KCNQ5: variants seen among roughly 807,000 people sequenced by gnomAD.
The protein encoded by KCNQ5 is potassium voltage-gated channel subfamily KQT member 5.
KCNQ5 carries 30 observed loss-of-function variants against 98.2 expected under a neutral mutation model. That is an observed-to-expected ratio of 0.31 (90% CI 0.23 to 0.41). The LOEUF (loss-of-function observed/expected upper bound fraction) is 0.41, where lower values mean the gene tolerates loss of function less well. Ranked by LOEUF, KCNQ5 falls within the 10% of genes least tolerant of loss-of-function variation. The pLI is 1.00. For synonymous variants in KCNQ5, 458 were observed against 449.4 expected, an observed-to-expected ratio of 1.02 and a Z score of -0.24; for missense variants, 835 against 1,182.5, an observed-to-expected ratio of 0.71 and a Z score of 4.31.
At chr6:73,186,223 T>C (rs957429607) in intron 11 of KCNQ5, among the ~76,000 whole-genome samples, 1 of 150,962 alleles carries the variant, frequency 6.6e-6, no homozygotes, top group East Asian at 2.0e-4. Context: ...TGAGACCTTG[T>C]CTCAAAAAAA....
At chr6:72,805,149 T>G (rs1774884775) in intron 1 of KCNQ5, among the ~76,000 whole-genome samples, 1 of 152,182 alleles carries the variant, frequency 6.6e-6, no homozygotes, top group Non-Finnish European at 1.5e-5. Flanking sequence ...TCCCTTGCTG[T>G]GCAGAAGCTT....
At chr6:72,814,158 G>A (rs1333338052) in intron 1 of KCNQ5, among the ~76,000 whole-genome samples, 2 of 152,198 alleles carry the variant, frequency 1.3e-5, no homozygotes, top group African/African-American at 2.4e-5. Flanking sequence ...AGAAGGAAAG[G>A]GAAGGGTGGG....
intron 5 of KCNQ5, among the ~76,000 whole-genome samples, chr6:73,085,330 G>A (rs1054957575): frequency 5.3e-5 from 8 of 152,052 alleles, no homozygotes; most frequent in Non-Finnish European, 1.2e-4. Context: ...ATGCATGCAC[G>A]CTCCAGGCAA....
At chr6:73,017,011 T>C (rs1770375504) in intron 2 of KCNQ5, among the ~76,000 whole-genome samples, 1 of 152,130 alleles carries the variant, frequency 6.6e-6, no homozygotes, top group Non-Finnish European at 1.5e-5. Flanking sequence ...GATTTTCATA[T>C]ATTTCCCTGG....
intron 1 of KCNQ5, among the ~76,000 whole-genome samples, chr6:72,911,202 C>A (rs559416098): frequency 1.8e-4 from 27 of 152,266 alleles, no homozygotes; most frequent in Admixed American, 1.6e-3. Flanking sequence ...GTTTATGACA[C>A]CCAACCCCAA....
At chr6:72,869,956 G>T (rs1306812448) in intron 1 of KCNQ5, among the ~76,000 whole-genome samples, 1 of 152,160 alleles carries the variant, frequency 6.6e-6, no homozygotes, top group Non-Finnish European at 1.5e-5. Flanking sequence ...GCTCTTTAAG[G>T]CATATCAAAA....
At chr6:72,798,193 G>C (rs1774441147) in intron 1 of KCNQ5, among the ~76,000 whole-genome samples, 1 of 152,158 alleles carries the variant, frequency 6.6e-6, no homozygotes, top group South Asian at 2.1e-4. Flanking sequence ...GTGCTTGAAA[G>C]TTCATGAGTA....
chr6:73,070,533 G>A (rs1773255288), intron 3 of KCNQ5, among the ~76,000 whole-genome samples: 2 of 152,132 alleles, frequency 1.3e-5, no homozygotes, highest in South Asian at 4.1e-4. Flanking sequence ...TCCAATGAAG[G>A]TGTTCTTTGT....
intron 10 of KCNQ5, among the ~76,000 whole-genome samples, chr6:73,155,469 A>T (rs1777326354): frequency 6.6e-6 from 1 of 152,204 alleles, no homozygotes; most frequent in Non-Finnish European, 1.5e-5. Flanking sequence ...TCCAATGATG[A>T]TGATGCTTGA....
At chr6:72,703,385 A>G (rs1768922945) in intron 1 of KCNQ5, among the ~76,000 whole-genome samples, 1 of 152,156 alleles carries the variant, frequency 6.6e-6, no homozygotes, top group Non-Finnish European at 1.5e-5. Flanking sequence ...GTCCTGGCAT[A>G]TCTGAATTAC....
intron 10 of KCNQ5, among the ~76,000 whole-genome samples, chr6:73,145,410 A>G (rs1171572232): frequency 1.3e-5 from 2 of 152,234 alleles, no homozygotes; most frequent in Non-Finnish European, 2.9e-5. Flanking sequence ...TTTCTTTCAT[A>G]TAATTCATGC....
Position 72,622,211 on chromosome 6 carries a change from G to A in KCNQ5, c.22G>A (p.Gly8Arg), listed in dbSNP as rs191331629. MPRHHAG[G>R]EEGGAAGLWV... The stretch of plus-strand genomic sequence containing the variant: ...TGCCATGCCCCGCCACCACGCGGGA[G>A]GAGAGGAGGGCGGCGCCGCCGGGCT... Residue 8 changes from glycine (G) to arginine (R), a missense_variant, in exon 1 of 14, where the codon GGA (glycine) becomes AGA (arginine). Around this residue, in one of 10 missense-constraint regions of KCNQ5, gnomAD observed 80 missense variants for 72.3 expected, o/e 1.11. Transcript: ENST00000370398. This position sits in a 1 kb window ranked among gnomAD's most constrained non-coding sequence, Gnocchi z 6.0. 2,313 of 1,230,340 alleles carry A rather than the reference G, an allele frequency of 1.9e-3. 2 individuals are homozygous for A. Among genetic ancestry groups the A allele is most frequent in the Non-Finnish European group, 2.2e-3 (2,157 of 987,496 alleles). 76.2% of individuals were successfully genotyped at this position (1,230,340 alleles called of 1,614,324 possible).
intron 1 of KCNQ5, among the ~76,000 whole-genome samples, chr6:72,809,191 A>G (rs530268754): frequency 1.5e-5 from 2 of 135,790 alleles, no homozygotes; most frequent in Non-Finnish European, 3.1e-5. Context: ...GAATTGAACA[A>G]TGAGATCACA....
intron 2 of KCNQ5, among the ~76,000 whole-genome samples, chr6:73,036,611 A>T (rs1031734562): frequency 6.6e-6 from 1 of 152,148 alleles, no homozygotes; most frequent in Admixed American, 6.5e-5. Context: ...ACTTTTTAAG[A>T]CTGACTTTTC....
At chr6:73,008,851 G>T (rs755013616) in intron 2 of KCNQ5, among the ~76,000 whole-genome samples, 3 of 152,106 alleles carry the variant, frequency 2.0e-5, no homozygotes, top group Non-Finnish European at 4.4e-5. Context: ...CGCAAGTTAA[G>T]TCTCAACAAT....
At chr6:72,941,341 CTT>C (rs1562082065) in intron 1 of KCNQ5, among the ~76,000 whole-genome samples, 3 of 42,366 alleles carry the variant, frequency 7.1e-5, no homozygotes, top group Non-Finnish European at 3.3e-4. Context: ...TCCTTCCTTC[CTT>C]TCTTCCTTCC....
At chr6:72,891,274 A>G (rs2150182874) in intron 1 of KCNQ5, among the ~76,000 whole-genome samples, 1 of 152,320 alleles carries the variant, frequency 6.6e-6, no homozygotes, top group Admixed American at 6.5e-5. Flanking sequence ...ACAAAATCTA[A>G]CATGAAAGTC....
chr6:72,969,592 A>G lies in KCNQ5; in HGVS notation c.399-34316A>G, dbSNP rs186563111. Among the ~76,000 whole-genome samples the G allele has an allele frequency of 4.8e-4, 73 of 152,090 alleles. 1 individual carries two copies. In the East Asian group the frequency reaches 0.012, roughly 24 times the overall value. ...ATCTTCCCTCCTCTACTTTTATATTATTCTATTCCGTCATTTTTCTCCTAG... is the reference window on the plus strand; with the variant it reads ...ATCTTCCCTCCTCTACTTTTATATTGTTCTATTCCGTCATTTTTCTCCTAG... On this transcript the variant is annotated intron_variant, in intron 1 of 13. Transcript: ENST00000370398.
intron 10 of KCNQ5, chr6:73,136,848 A>G (rs867263458): frequency 1.3e-5 from 2 of 152,204 alleles, no homozygotes; most frequent in Non-Finnish European, 2.9e-5. Flanking sequence ...TCTACTTACT[A>G]CCATAGAAAA....
Sources: gnomAD v4.1 joint callset for allele counts (sites outside exome capture counted in the v4.1 genomes callset) on GRCh38, gnomAD v4.1.1 for gene constraint, gnomAD v4.1.1 regional missense constraint, Gnocchi (gnomAD v3.1) non-coding constraint, MANE v1.5 for transcripts, NCBI Gene and HGNC (gene_info 2026-07-23, HGNC 2026-07-21) for gene names.